Variants in MORN1 observed in about 807,000 individuals in gnomAD.
MORN1 encodes the protein MORN repeat containing 1, also known as MORN repeat-containing protein 1.
Under a neutral mutation model 61.9 loss-of-function variants are expected in MORN1, and 67 were observed. That is an observed-to-expected ratio of 1.08 (90% CI 0.89 to 1.33). The LOEUF is 1.33. MORN1 is among the 40% of genes most tolerant of loss of function. The probability of loss-of-function intolerance (pLI) is 0.00; values close to 1 mark genes in which losing one functional copy is unlikely to be tolerated. For missense variants in MORN1, 752 were observed against 691.2 expected, an observed-to-expected ratio of 1.09 and a Z score of -0.99; for synonymous variants, 301 against 292.0, an observed-to-expected ratio of 1.03 and a Z score of -0.31.
At chr1:2,342,653 T>C (rs115687241) in intron 10 of MORN1, among the ~76,000 whole-genome samples, 2,781 of 151,858 alleles carry the variant, frequency 0.018, 87 homozygotes, top group African/African-American at 0.064. Context: ...CCCTCACCCT[T>C]CTCACCTCCC....
intron 13 of MORN1, chr1:2,323,705 C>T: frequency 1.0e-6 from 1 of 985,358 alleles, no homozygotes; most frequent in Non-Finnish European, 1.2e-6. Flanking sequence ...CCCACCAAGC[C>T]CTGCAGCCGG....
intron 12 of MORN1, among the ~76,000 whole-genome samples, chr1:2,329,599 G>C (rs1329408423): frequency 1.3e-5 from 2 of 152,184 alleles, no homozygotes; most frequent in African/African-American, 4.8e-5. Context: ...GGGTCTCCTG[G>C]GTGCCTGGGG....
At chr1:2,336,922 T>C in intron 10 of MORN1, 72 bp from the exon 11 acceptor site, 1 of 1,409,324 alleles carries the variant, frequency 7.1e-7, no homozygotes. Context: ...CACAGGGCTG[T>C]GCTGAAGTGT....
chr1:2,374,225 G>A (rs1300440819), intron 7 of MORN1, among the ~76,000 whole-genome samples: 7 of 152,356 alleles, frequency 4.6e-5, no homozygotes, highest in Non-Finnish European at 1.0e-4. Flanking sequence ...CAGCCATGAC[G>A]AGGCCACCCC....
intron 2 of MORN1, among the ~76,000 whole-genome samples, chr1:2,389,135 A>AAC (rs1642581628): frequency 7.1e-6 from 1 of 140,410 alleles, no homozygotes; most frequent in Admixed American, 7.1e-5. Flanking sequence ...AAAAGAAAAA[A>AAC]GAAACAAAAC....
chr1:2,374,358 C>T (rs1230705104), intron 7 of MORN1, 103 bp downstream of exon 7: 1 of 959,622 alleles, frequency 1.0e-6, no homozygotes, highest in Non-Finnish European at 1.6e-6. Flanking sequence ...CCCACCCCTC[C>T]CCAGTGTGCT....
intron 10 of MORN1, 50 bp from the exon 11 acceptor site, chr1:2,336,900 C>T (rs370664967): frequency 8.2e-5 from 122 of 1,484,494 alleles, no homozygotes; most frequent in East Asian, 7.6e-4. Context: ...AGGGCGGAGA[C>T]GGAGGGAGCC....
chr1:2,389,278 TTC>T (rs1205435054), intron 2 of MORN1, among the ~76,000 whole-genome samples: 3 of 152,158 alleles, frequency 2.0e-5, no homozygotes, highest in Non-Finnish European at 4.4e-5. Flanking sequence ...GCTTTTTTTG[TTC>T]TGTTTTGAGA....
chr1:2,360,478 G>A (rs995038977), intron 8 of MORN1, among the ~76,000 whole-genome samples: 5 of 152,212 alleles, frequency 3.3e-5, no homozygotes, highest in Admixed American at 2.0e-4. Context: ...TTAAAAGAAC[G>A]TGCAGGATGA....
rs1237395208 is a variant in MORN1, at chr1:2,325,141, TC to T, written c.1251-999del. 2.8e-4 allele frequency among the ~76,000 whole-genome samples: 4 copies of T among 14,104 alleles called. No homozygotes were observed. In the East Asian group the frequency reaches 0.014, roughly 50 times the overall value. The allele number at this position is 14,104 out of a possible 152,430, so 9.3% of individuals were successfully genotyped here. A position where few individuals can be genotyped will look rare whatever the true frequency, so the allele number is the denominator to read the frequency against. On this transcript the variant is annotated intron_variant, in intron 12 of 13. Coordinates refer to ENST00000378531, the MANE Select transcript of MORN1 (RefSeq NM_024848.3). ...TCCTTCCCTTCCTTCCTTCCCTCCC[TC>T]CCTCCCTTCCTTCCCTCCCTTCCTT...
chr1:2,325,027 C>A (rs895616343), intron 12 of MORN1, among the ~76,000 whole-genome samples: 48 of 151,458 alleles, frequency 3.2e-4, no homozygotes, highest in African/African-American at 1.1e-3. Context: ...GGGGCTGGCT[C>A]TGTGTGGACA....
chr1:2,347,071 G>A (rs946852831), intron 10 of MORN1, among the ~76,000 whole-genome samples: 3 of 152,162 alleles, frequency 2.0e-5, no homozygotes, highest in Non-Finnish European at 4.4e-5. Context: ...CTTCTTGGGA[G>A]ATGGGGAGCT....
chr1:2,323,546 G>T lies in MORN1; in HGVS notation c.1297+551C>A, dbSNP rs547552531. 3 of 985,360 alleles carry T rather than the reference G, an allele frequency of 3.0e-6. No individual in the cohort carries two copies. The East Asian group carries it at 3.4e-4, about 112-fold the overall frequency. 61.0% of individuals were successfully genotyped at this position (985,360 alleles called of 1,614,324 possible). A position where few individuals can be genotyped will look rare whatever the true frequency, so the allele number is the denominator to read the frequency against. On this transcript the variant is annotated intron_variant, in intron 13 of 13. Transcript: ENST00000378531. ...GCATTCGGCCCCTCTGGCTTGGTGG[G>T]GGGGTGCCAGGCCCAGGCTGTGGGG...
At chr1:2,388,170 C>G in intron 3 of MORN1, 69 bp downstream of exon 3, 1 of 1,247,590 alleles carries the variant, frequency 8.0e-7, no homozygotes, top group Admixed American at 1.7e-5. Flanking sequence ...TGCATCTAGA[C>G]TCGGCGGACC....
chr1:2,359,623 C>A (rs968893598), intron 8 of MORN1, among the ~76,000 whole-genome samples: 2 of 151,610 alleles, frequency 1.3e-5, no homozygotes, highest in Admixed American at 1.3e-4. Context: ...TGGCTCACCC[C>A]TGTCATCCCA....
intron 7 of MORN1, among the ~76,000 whole-genome samples, chr1:2,373,131 G>A (rs895810373): frequency 5.5e-5 from 8 of 145,006 alleles, no homozygotes; most frequent in Admixed American, 1.4e-4. Context: ...GCTGCCCACC[G>A]CCCCTGCCCC....
chr1:2,345,829 CCACA>C (rs57669691), intron 10 of MORN1, among the ~76,000 whole-genome samples: 42,147 of 148,992 alleles, frequency 0.28, 7,068 homozygotes, highest in East Asian at 0.6. Context: ...ATGTATGCGG[CCACA>C]CACACACACA....
At position 2,334,596 on chromosome 1, in the gene MORN1, G is replaced by A. The variant is rs557498089; in HGVS notation, c.1250+1873C>T. Among the ~76,000 whole-genome samples, 5 of 152,288 alleles carry A rather than the reference G, an allele frequency of 3.3e-5. No homozygotes were observed. The highest frequency in any genetic ancestry group is 4.1e-4 in the South Asian group (2 of 4,824). On this transcript the variant is annotated intron_variant, in intron 12 of 13. Coordinates refer to ENST00000378531, the MANE Select transcript of MORN1 (RefSeq NM_024848.3). This position sits in a 1 kb window ranked among gnomAD's most constrained non-coding sequence, Gnocchi z 5.4. ...ACGAGAGGGCCCTGGCTGTGTGGCC[G>A]TGGAGCCGGCAGGAGGCAGGGGAAG...
At chr1:2,361,971 C>A (rs925482276) in intron 8 of MORN1, among the ~76,000 whole-genome samples, 1 of 152,160 alleles carries the variant, frequency 6.6e-6, no homozygotes, top group Non-Finnish European at 1.5e-5. Context: ...CAGTGGCTCA[C>A]GCCTGTAATC....
Sources: allele counts gnomAD v4.1 joint callset (sites outside exome capture counted in the v4.1 genomes callset), GRCh38; gene constraint gnomAD v4.1.1; non-coding constraint Gnocchi (gnomAD v3.1); transcripts MANE v1.5; gene names NCBI Gene and HGNC (gene_info 2026-07-23, HGNC 2026-07-21).